Variants in ZNF638 observed in about 807,000 individuals in gnomAD.
The protein encoded by ZNF638 is CTCL tumor antigen se33-1.
In ZNF638, 46 loss-of-function variants were observed where a neutral mutation model predicts 195.6. The ratio of observed to expected loss-of-function variants is 0.24; its 90% CI spans 0.19 to 0.30. ZNF638 has a LOEUF of 0.30. Ranked by LOEUF, ZNF638 falls within the 10% of genes least tolerant of loss-of-function variation. The pLI, the probability that ZNF638 is intolerant of heterozygous loss-of-function variation, is 1.00. For missense variants in ZNF638, 2,440 were observed against 2,325.3 expected (o/e 1.05, Z -1.01); for synonymous variants, 845 against 772.0 (o/e 1.09, Z -1.57).
intron 10 of ZNF638, among the ~76,000 whole-genome samples, chr2:71,389,189 GC>G (rs1010683880): frequency 1.3e-5 from 2 of 152,032 alleles, no homozygotes; most frequent in Admixed American, 1.3e-4. Context: ...TTTTCCCTGA[GC>G]CCCCTCCCCC....
chr2:71,427,714 A>G (rs2080567916), intron 24 of ZNF638, among the ~76,000 whole-genome samples: 3 of 152,252 alleles, frequency 2.0e-5, no homozygotes, highest in Admixed American at 6.5e-5. Flanking sequence ...GTATTGTGGG[A>G]AAAAGACAAC....
chr2:71,348,495 G>A, intron 1 of ZNF638: 1 of 1,077,226 alleles, frequency 9.3e-7, no homozygotes, highest in Non-Finnish European at 1.1e-6. Context: ...TTACTGCTCA[G>A]CACCTAGGAC....
At chr2:71,388,489 T>TA in intron 10 of ZNF638, 1 of 698,252 alleles carries the variant, frequency 1.4e-6, no homozygotes, top group Non-Finnish European at 2.6e-6. Flanking sequence ...AAATCTGTAC[T>TA]AAATAAATAC....
chr2:71,391,261 A>C (rs931663100), intron 10 of ZNF638, among the ~76,000 whole-genome samples: 1 of 152,220 alleles, frequency 6.6e-6, no homozygotes, highest in African/African-American at 2.4e-5. Flanking sequence ...AGATAGGCCT[A>C]TAGTCGATAT....
In ZNF638 at chr2:71,422,885, C is replaced by G; in HGVS notation, c.3371C>G (p.Pro1124Arg). The change falls in exon 22 of 28, where the codon CCT becomes CGT. Residue 1124 changes from proline to arginine, a missense_variant. Physicochemically the swap from Pro to Arg is moderately radical, Grantham distance 103. Transcript: ENST00000264447. ...QTATDSPSVK[P>R]NELEEESTPS... is the part of the protein sequence containing the mutation. ...GCAACTGATAGTCCCTCTGTTAAAC[C>G]TAATGAGCTTGAAGAAGAAAGTACT... 6.2e-7 allele frequency: 1 copy of G among 1,614,012 alleles called. No homozygotes were observed. The highest frequency in any genetic ancestry group is 1.1e-5 in the South Asian group (1 of 91,082).
At chr2:71,401,931 CA>C in intron 15 of ZNF638, 24 bp from the exon 16 acceptor site, 1 of 1,536,868 alleles carries the variant, frequency 6.5e-7, no homozygotes, top group Non-Finnish European at 8.8e-7. Flanking sequence ...ATTTTAATAA[CA>C]GGTTTTAAAA....
chr2:71,401,831 G>T, intron 15 of ZNF638, 125 bp from the exon 16 acceptor site: 2 of 841,260 alleles, frequency 2.4e-6, no homozygotes, highest in Non-Finnish European at 3.4e-6. Flanking sequence ...AGCCTCTTGA[G>T]TTTATCAGAC....
chr2:71,350,403 T>G, intron 2 of ZNF638, 132 bp downstream of exon 2: 1 of 901,986 alleles, frequency 1.1e-6, no homozygotes, highest in Non-Finnish European at 1.7e-6. Context: ...GCAACCTCAA[T>G]ACATAGTTGT....
intron 3 of ZNF638, among the ~76,000 whole-genome samples, chr2:71,362,588 A>G (rs766222637): frequency 3.9e-5 from 6 of 152,180 alleles, no homozygotes; most frequent in Non-Finnish European, 7.4e-5. Context: ...ACTTCCTGGA[A>G]CAAAACACCG....
chr2:71,393,444 A>G (rs747626718), intron 10 of ZNF638: 39 of 718,404 alleles, frequency 5.4e-5, no homozygotes, highest in Non-Finnish European at 8.8e-5. Context: ...TGGCGTGGCT[A>G]GGACCCAACA....
rs1161131586 is a variant in ZNF638, at chr2:71,349,780, G to A, written c.826G>A (p.Gly276Ser). Residue 276 changes from glycine to serine, a missense_variant, in exon 2 of 28, where the codon GGT becomes AGT. Around this residue, in one of 5 missense-constraint regions of ZNF638, gnomAD observed 305 missense variants for 283.6 expected, o/e 1.08. Transcript: ENST00000264447. ...CGTATTTCGCCAAATGGACTTCCCC[G>A]GTGAGTCCTCCAATAATCGGTCCTT... ...EDVFRQMDFP[G>S]ESSNNRSFFS... The A allele has an allele frequency of 1.3e-5, 21 of 1,614,116 alleles. No individual in the cohort carries two copies. Among genetic ancestry groups the A allele is most frequent in the African/African-American group, 4.0e-5 (3 of 75,020 alleles).
chr2:71,337,691 C>A (rs547357215), intron 1 of ZNF638, among the ~76,000 whole-genome samples: 3 of 152,328 alleles, frequency 2.0e-5, no homozygotes, highest in Admixed American at 2.0e-4. Flanking sequence ...CGTGCATGAG[C>A]CAATGCGCAG....
In ZNF638 at chr2:71,349,281, T is replaced by G. The variant is rs1378932895; in HGVS notation, c.327T>G (p.His109Gln). Residue 109 changes from histidine (H) to glutamine (Q), a missense_variant, in exon 2 of 28, where the codon CAT becomes CAG. Transcript: ENST00000264447. ...GTAGCCGGTGGGATGATGAGCCTCA[T>G]ATATCTGCATCAGTGGCAGTGAAAC... ...PHGSRWDDEP[H>Q]ISASVAVKQS... 1 of 1,614,016 alleles carries G rather than the reference T, an allele frequency of 6.2e-7. No individual in the cohort carries two copies. Among genetic ancestry groups the G allele is most frequent in the Non-Finnish European group, 8.5e-7 (1 of 1,180,030 alleles).
intron 10 of ZNF638, among the ~76,000 whole-genome samples, chr2:71,386,663 A>T (rs1237847381): frequency 6.6e-6 from 1 of 152,172 alleles, no homozygotes; most frequent in Non-Finnish European, 1.5e-5. Flanking sequence ...TTAATTCTCT[A>T]ATATGTCATG....
intron 10 of ZNF638, among the ~76,000 whole-genome samples, chr2:71,385,099 A>G (rs1428381936): frequency 2.0e-5 from 3 of 152,228 alleles, no homozygotes; most frequent in Non-Finnish European, 2.9e-5. Context: ...GACACTACAC[A>G]CCTATCAGAA....
In ZNF638 at chr2:71,349,803, C is replaced by G; in HGVS notation, c.849C>G (p.Ser283=). 6.2e-7 allele frequency: 1 copy of G among 1,614,154 alleles called. No homozygotes were observed. Among genetic ancestry groups the G allele is most frequent in the Non-Finnish European group, 8.5e-7 (1 of 1,180,030 alleles). ...DFPGESSNNR[S]FFSVESGTKM... ...CCGGTGAGTCCTCCAATAATCGGTC[C>G]TTTTTCTCAGTTGAGAGTGGAACCA... Residue 283 remains serine, a synonymous_variant, in exon 2 of 28, where the codon TCC becomes TCG. Coordinates refer to ENST00000264447, the MANE Select transcript of ZNF638 (RefSeq NM_014497.5).
intron 6 of ZNF638, among the ~76,000 whole-genome samples, chr2:71,367,823 G>T (rs2079230803): frequency 6.6e-6 from 1 of 151,034 alleles, no homozygotes; most frequent in African/African-American, 2.4e-5. Flanking sequence ...TTTCTGCCTT[G>T]GCCTCCCAAA....
At chr2:71,365,810 C>G in intron 6 of ZNF638, 104 bp downstream of exon 6, 1 of 1,142,196 alleles carries the variant, frequency 8.8e-7, no homozygotes. Context: ...GCCTCGATCT[C>G]CTGGGCTCAA....
At chr2:71,417,133 C>A (rs549015771) in intron 20 of ZNF638, among the ~76,000 whole-genome samples, 1 of 148,926 alleles carries the variant, frequency 6.7e-6, no homozygotes. Context: ...AGCGAGATTC[C>A]GTGGGCATAG....
Sources: gnomAD v4.1 joint callset for allele counts (sites outside exome capture counted in the v4.1 genomes callset) on GRCh38, gnomAD v4.1.1 for gene constraint, gnomAD v4.1.1 regional missense constraint, MANE v1.5 for transcripts, NCBI Gene and HGNC (gene_info 2026-07-23, HGNC 2026-07-21) for gene names.